CACNA2D1: variants seen among roughly 807,000 people sequenced by gnomAD.
CACNA2D1 encodes the protein voltage-dependent calcium channel subunit alpha-2/delta-1.
In CACNA2D1, 53 loss-of-function variants were observed where a neutral mutation model predicts 171.5. That is an observed-to-expected ratio of 0.31 (90% CI 0.25 to 0.39). The LOEUF (loss-of-function observed/expected upper bound fraction) is 0.39. Among genes scored for constraint, CACNA2D1 ranks in the 10% least tolerant of loss-of-function variants. CACNA2D1 has a pLI of 1.00. For synonymous variants in CACNA2D1, 442 were observed against 443.1 expected (o/e 1.00, Z 0.03); for missense variants, 903 against 1,299.8 (o/e 0.69, Z 4.69).
rs192258534 is a variant in CACNA2D1 at position 82,117,943 on chromosome 7, G to A, written c.397-770C>T. 3.3e-3 allele frequency among the ~76,000 whole-genome samples: 503 copies of A among 152,128 alleles called. 6 individuals carry two copies. Among genetic ancestry groups the A allele is most frequent in the South Asian group, 0.028 (137 of 4,816 alleles). On this transcript the variant is annotated intron_variant, in intron 5 of 38. Coordinates refer to ENST00000356860, the MANE Select transcript of CACNA2D1 (RefSeq NM_000722.4). ...GAAGATGATTCTTTGACAAATAATG[G>A]TACACGTGACAGAAATAATATGGCA...
intron 1 of CACNA2D1, among the ~76,000 whole-genome samples, chr7:82,409,628 C>T (rs988123144): frequency 9.9e-5 from 15 of 152,116 alleles, no homozygotes; most frequent in Admixed American, 1.3e-4. Context: ...ATTCCCCAGG[C>T]GATTCAAATG....
intron 12 of CACNA2D1, chr7:82,020,980 C>G (rs1180076573): frequency 6.6e-6 from 1 of 152,130 alleles, no homozygotes; most frequent in Non-Finnish European, 1.5e-5. Flanking sequence ...TAGTGTTTCT[C>G]TTGTGTGTCT....
intron 14 of CACNA2D1, 50 bp from the exon 15 acceptor site, chr7:82,012,293 T>G: frequency 1.0e-6 from 1 of 963,690 alleles, no homozygotes; most frequent in Admixed American, 1.8e-5. Context: ...AGGAATGCTG[T>G]GTTGAAATAA....
At chr7:81,957,402 T>C (rs544347456) in intron 38 of CACNA2D1, among the ~76,000 whole-genome samples, 1 of 152,156 alleles carries the variant, frequency 6.6e-6, no homozygotes, top group South Asian at 2.1e-4. Flanking sequence ...ATATGGGTGA[T>C]TTTCTAGAAT....
intron 6 of CACNA2D1, among the ~76,000 whole-genome samples, chr7:82,095,053 C>T (rs1811692888): frequency 6.6e-6 from 1 of 152,138 alleles, no homozygotes; most frequent in South Asian, 2.1e-4. Context: ...CTTCTGGTGT[C>T]CTCTCCTACT....
At chr7:82,116,961 C>CT (rs543569119) in intron 6 of CACNA2D1, 83 bp downstream of exon 6, 51 of 1,462,190 alleles carry the variant, frequency 3.5e-5, no homozygotes, top group Non-Finnish European at 3.7e-5. Flanking sequence ...CACATTTGCT[C>CT]TTTTTTTTCC....
At chr7:82,177,372 T>C (rs1179092765) in intron 3 of CACNA2D1, among the ~76,000 whole-genome samples, 1 of 152,054 alleles carries the variant, frequency 6.6e-6, no homozygotes, top group African/African-American at 2.4e-5. Flanking sequence ...CATCTGATAT[T>C]GGTATTGTTG....
At chr7:82,086,953 T>A (rs556154689) in intron 6 of CACNA2D1, among the ~76,000 whole-genome samples, 1 of 152,152 alleles carries the variant, frequency 6.6e-6, no homozygotes, top group Admixed American at 6.5e-5. Context: ...TTTTAAGATT[T>A]CCAGTTGATG....
chr7:82,282,533 A>C (rs1254097735), intron 3 of CACNA2D1, among the ~76,000 whole-genome samples: 2 of 152,152 alleles, frequency 1.3e-5, no homozygotes, highest in Admixed American at 6.5e-5. Context: ...GATTTGTGAG[A>C]AAAACTCTTA....
intron 3 of CACNA2D1, among the ~76,000 whole-genome samples, chr7:82,176,161 G>A (rs750404107): frequency 5.3e-5 from 8 of 152,054 alleles, no homozygotes; most frequent in African/African-American, 1.2e-4. Context: ...CTGAAGGGCA[G>A]AGAAGGGTAT....
At chr7:82,096,246 C>T (rs1811845613) in intron 6 of CACNA2D1, among the ~76,000 whole-genome samples, 2 of 152,076 alleles carry the variant, frequency 1.3e-5, no homozygotes, top group South Asian at 4.1e-4. Context: ...CCTTAGACAA[C>T]ACATAAACAA....
intron 3 of CACNA2D1, among the ~76,000 whole-genome samples, chr7:82,296,577 A>T (rs76453923): frequency 0.018 from 2,754 of 152,260 alleles, 83 homozygotes; most frequent in African/African-American, 0.063. Flanking sequence ...TTTTAAAGCT[A>T]TCTGTTAAAC....
intron 3 of CACNA2D1, among the ~76,000 whole-genome samples, chr7:82,242,692 A>G (rs907278887): frequency 1.3e-5 from 2 of 152,182 alleles, no homozygotes; most frequent in African/African-American, 4.8e-5. Flanking sequence ...TATTCATTAT[A>G]TGATATAGAA....
intron 12 of CACNA2D1, among the ~76,000 whole-genome samples, chr7:82,026,729 C>A (rs746842942): frequency 6.6e-6 from 1 of 151,696 alleles, no homozygotes; most frequent in Non-Finnish European, 1.5e-5. Context: ...TTCCTCAATT[C>A]ATCCACACAC....
chr7:82,058,428 AT>A (rs34650124), intron 10 of CACNA2D1, among the ~76,000 whole-genome samples: 1 of 152,154 alleles, frequency 6.6e-6, no homozygotes, highest in Non-Finnish European at 1.5e-5. Context: ...CACAGATAGT[AT>A]TTTTAAAGAA....
chr7:82,254,377 C>G (rs1806029268), intron 3 of CACNA2D1, among the ~76,000 whole-genome samples: 1 of 151,974 alleles, frequency 6.6e-6, no homozygotes, highest in Non-Finnish European at 1.5e-5. Context: ...TTGTTTTGCT[C>G]TATTATTTTT....
rs536886227 is a variant in CACNA2D1 at position 81,968,980 on chromosome 7, A to C, written c.2309-7T>G. 1 of 1,489,902 alleles carries C rather than the reference A, an allele frequency of 6.7e-7. No individual in the cohort carries two copies. Among genetic ancestry groups the C allele is most frequent in the African/African-American group, 1.4e-5 (1 of 72,390 alleles). 92.3% of individuals were successfully genotyped at this position (1,489,902 alleles called of 1,614,324 possible). On this transcript the variant is annotated splice_region_variant and splice_polypyrimidine_tract_variant and intron_variant, in intron 28 of 38. Coordinates refer to ENST00000356860, the MANE Select transcript of CACNA2D1 (RefSeq NM_000722.4). ...TAGGCACCAGGTCCACTTTCTAAAA[A>C]AAAAATAAATAAATAAAACACCTAT... is the stretch of plus-strand genomic sequence containing the variant.
At chr7:82,136,744 T>A in intron 4 of CACNA2D1, 68 bp from the exon 5 acceptor site, 1 of 1,006,790 alleles carries the variant, frequency 9.9e-7, no homozygotes, top group Non-Finnish European at 1.5e-6. Context: ...CTGAATACAT[T>A]TTATGCATAT....
At position 82,000,258 on chromosome 7, in the gene CACNA2D1, G is replaced by GA. The variant is rs201534245; in HGVS notation, c.1591-3009dup. 5.9e-3 allele frequency among the ~76,000 whole-genome samples: 890 copies of GA among 151,516 alleles called. 17 individuals carry two copies. The highest frequency in any genetic ancestry group is 0.051 in the Admixed American group (774 of 15,170). On this transcript the variant is annotated intron_variant, in intron 18 of 38. Transcript: ENST00000356860. ...TAGTGACAGAGTGAGACCCATCTCA[G>GA]AAAAAAAATAAATAAATAAACAAAA...
Sources: gnomAD v4.1 joint callset for allele counts (sites outside exome capture counted in the v4.1 genomes callset) on GRCh38, gnomAD v4.1.1 for gene constraint, MANE v1.5 for transcripts, NCBI Gene and HGNC (gene_info 2026-07-23, HGNC 2026-07-21) for gene names.